The following ERICH1 variants were observed in gnomAD, a reference collection of about 807,000 sequenced individuals.
ERICH1 encodes glutamate-rich protein 1.
ERICH1 carries 56 observed loss-of-function variants against 39.6 expected under a neutral mutation model. That is an observed-to-expected ratio of 1.41 (90% CI 1.14 to 1.77). The LOEUF (loss-of-function observed/expected upper bound fraction) is 1.77, where lower values mean the gene tolerates loss of function less well. Among genes scored for constraint, ERICH1 ranks in the 40% most tolerant of loss-of-function variants. The pLI is 0.00. For missense variants in ERICH1, 826 were observed against 575.4 expected (o/e 1.44, Z -4.45); for synonymous variants, 313 against 223.6 (o/e 1.40, Z -3.57).
At chr8:663,411 G>A (rs112265752), downstream of ERICH1, among the ~76,000 whole-genome samples, 57 of 152,284 alleles carry the variant, frequency 3.7e-4, no homozygotes, top group Middle Eastern at 6.8e-3. Context: ...CCAGCAGCCC[G>A]CCTGACACCC....
intron 5 of ERICH1, chr8:667,267 CA>C (rs1802401533): frequency 6.5e-6 from 1 of 153,318 alleles, no homozygotes; most frequent in Admixed American, 6.5e-5. Context: ...GGGCTCCTCC[CA>C]TGTGCCTGGC....
intron 3 of ERICH1, among the ~76,000 whole-genome samples, chr8:635,887 A>T (rs960433762): frequency 2.0e-5 from 3 of 152,184 alleles, no homozygotes; most frequent in Non-Finnish European, 2.9e-5. Flanking sequence ...GGTCCTTCAA[A>T]GGTTCACCCC....
chr8:627,947 G>A (rs1439518288), intron 3 of ERICH1, among the ~76,000 whole-genome samples: 1 of 152,166 alleles, frequency 6.6e-6, no homozygotes, highest in Admixed American at 6.5e-5. Context: ...GGGGCCGGGG[G>A]GGCCTGGAAC....
chr8:649,770 C>T (rs1799707194), intron 3 of ERICH1, among the ~76,000 whole-genome samples: 1 of 152,160 alleles, frequency 6.6e-6, no homozygotes, highest in African/African-American at 2.4e-5. Flanking sequence ...CACCATCCAT[C>T]CACGTGGAGA....
intron 3 of ERICH1, chr8:640,516 G>C (rs1284706484): frequency 2.0e-5 from 3 of 152,216 alleles, no homozygotes; most frequent in African/African-American, 7.2e-5. Context: ...TTCTGTTCTG[G>C]TAGATGTTTT....
chr8:631,493 C>T (rs767502315), intron 3 of ERICH1, among the ~76,000 whole-genome samples: 10 of 152,232 alleles, frequency 6.6e-5, no homozygotes, highest in East Asian at 1.9e-4. Flanking sequence ...CTTAACAGTC[C>T]GATGTCTGCG....
chr8:729,250 A>G (rs942426648), intron 1 of ERICH1, among the ~76,000 whole-genome samples: 3 of 152,204 alleles, frequency 2.0e-5, no homozygotes, highest in Admixed American at 2.0e-4. Flanking sequence ...GGAGAGGCAC[A>G]CCTGCGTCTT....
At chr8:713,645 C>T (rs1368285571) in intron 2 of ERICH1, among the ~76,000 whole-genome samples, 1 of 152,130 alleles carries the variant, frequency 6.6e-6, no homozygotes, top group Non-Finnish European at 1.5e-5. Flanking sequence ...CAGAATATTA[C>T]GTCTGTGGGA....
In ERICH1 at chr8:634,179, A is replaced by ACAAACAAACAAAC. The variant is rs1554481854; in HGVS notation, c.977-18896_977-18895insGTTTGTTTGTTTG. On this transcript the variant is annotated intron_variant, in intron 3 of 3. Transcript: ENST00000522706. ...GAACTCCTAAAACTCAAAAAAAAAA[A>ACAAACAAACAAAC]AAAAAAACAAACAAAAAAAACCCTG... is the stretch of plus-strand genomic sequence containing the variant. Among the ~76,000 whole-genome samples, 92 of 43,586 alleles carry ACAAACAAACAAAC rather than the reference A, an allele frequency of 2.1e-3. 2 individuals are homozygous for ACAAACAAACAAAC. Among genetic ancestry groups the ACAAACAAACAAAC allele is most frequent in the Middle Eastern group, 0.026 (2 of 78 alleles). The allele number at this position is 43,586 out of a possible 152,430, so 28.6% of individuals were successfully genotyped here.
intron 2 of ERICH1, among the ~76,000 whole-genome samples, chr8:699,376 CACG>C (rs1195880505): frequency 2.0e-5 from 3 of 152,166 alleles, no homozygotes; most frequent in Non-Finnish European, 4.4e-5. Flanking sequence ...CTCCTGGTAC[CACG>C]ACATTTCAAG....
At chr8:631,390 G>A (rs1322782214) in intron 3 of ERICH1, among the ~76,000 whole-genome samples, 1 of 152,220 alleles carries the variant, frequency 6.6e-6, no homozygotes, top group Non-Finnish European at 1.5e-5. Context: ...TCAGAGAGAG[G>A]TGTGCGGGGC....
chr8:689,341 C>T (rs1226041686), intron 3 of ERICH1, among the ~76,000 whole-genome samples: 2 of 152,246 alleles, frequency 1.3e-5, no homozygotes, highest in African/African-American at 2.4e-5. Flanking sequence ...AAACTCCTGA[C>T]CTCAGGTGAT....
intron 1 of ERICH1, among the ~76,000 whole-genome samples, chr8:719,864 C>T (rs556616167): frequency 6.6e-6 from 1 of 152,318 alleles, no homozygotes; most frequent in South Asian, 2.1e-4. Flanking sequence ...AGTCCCAGCA[C>T]TGGCCACAGG....
At chr8:627,903 C>A (rs936158048) in intron 3 of ERICH1, among the ~76,000 whole-genome samples, 4 of 152,174 alleles carry the variant, frequency 2.6e-5, no homozygotes, top group Admixed American at 2.0e-4. Flanking sequence ...CTCCCCTAGT[C>A]CCCTCGGGAA....
At chr8:658,559 A>G (rs926093862) in intron 3 of ERICH1, among the ~76,000 whole-genome samples, 6 of 152,268 alleles carry the variant, frequency 3.9e-5, no homozygotes, top group Admixed American at 3.9e-4. Flanking sequence ...CATGGGCTGA[A>G]CTATCCGCGG....
chr8:622,060 A>C (rs1408089025), intron 3 of ERICH1, among the ~76,000 whole-genome samples: 1 of 152,024 alleles, frequency 6.6e-6, no homozygotes, highest in Admixed American at 6.6e-5. Flanking sequence ...AGAAAATAAA[A>C]ATGAAAAAAA....
chr8:685,112 A>G (rs1807003198), intron 3 of ERICH1, among the ~76,000 whole-genome samples: 1 of 152,210 alleles, frequency 6.6e-6, no homozygotes, highest in South Asian at 2.1e-4. Flanking sequence ...ATCCCTATCT[A>G]CAACTGCATA....
chr8:706,424 T>C (rs897456973), intron 2 of ERICH1, among the ~76,000 whole-genome samples: 4 of 152,170 alleles, frequency 2.6e-5, no homozygotes, highest in Non-Finnish European at 5.9e-5. Flanking sequence ...TGGAATACAC[T>C]TTTTAAAAAA....
intron 5 of ERICH1, among the ~76,000 whole-genome samples, chr8:665,403 C>T (rs1028929770): frequency 1.3e-5 from 2 of 152,222 alleles, no homozygotes; most frequent in African/African-American, 4.8e-5. Context: ...GGTTTTACAA[C>T]TTGTCCGGGC....
Sources: gnomAD v4.1 joint callset for allele counts (sites outside exome capture counted in the v4.1 genomes callset) on GRCh38, gnomAD v4.1.1 for gene constraint, MANE v1.5 for transcripts, NCBI Gene and HGNC (gene_info 2026-07-23, HGNC 2026-07-21) for gene names.